SSC5D: variants seen among roughly 807,000 people sequenced by gnomAD.
SSC5D encodes soluble scavenger receptor cysteine-rich domain-containing protein SSC5D.
A neutral mutation model predicts 104.6 loss-of-function variants in SSC5D; 106 were observed. That is an observed-to-expected ratio of 1.01 (90% CI 0.87 to 1.19). The LOEUF is 1.19. Ranked by LOEUF, SSC5D falls within the 50% of genes most tolerant of loss-of-function variation. The probability of loss-of-function intolerance (pLI) is 0.00; values close to 1 mark genes in which losing one functional copy is unlikely to be tolerated. For synonymous variants in SSC5D, 860 were observed against 883.5 expected (o/e 0.97, Z 0.47); for missense variants, 1,993 against 2,153.8 (o/e 0.93, Z 1.48).
intron 13 of SSC5D, among the ~76,000 whole-genome samples, chr19:55,513,449 A>G (rs1252251193): frequency 6.6e-6 from 1 of 152,040 alleles, no homozygotes; most frequent in Non-Finnish European, 1.5e-5. Flanking sequence ...GTGTGGTGGT[A>G]CGCACGTGTG....
At chr19:55,497,515 A>G (rs967968941) in intron 8 of SSC5D, among the ~76,000 whole-genome samples, 1 of 152,182 alleles carries the variant, frequency 6.6e-6, no homozygotes, top group Non-Finnish European at 1.5e-5. Flanking sequence ...AACCACTACT[A>G]TTTGGCTACT....
At position 55,512,484 on chromosome 19, in the gene SSC5D, C is replaced by CTTT. The variant is rs67986371; in HGVS notation, c.2786-514_2786-512dup. ...CTTGAGGAATTAAAATAATAAATTC[C>CTTT]TTTTTTTTTTTTTTTGAGGCGGTGT... On this transcript the variant is annotated intron_variant, in intron 12 of 13. Coordinates refer to ENST00000389623, the MANE Select transcript of SSC5D (RefSeq NM_001144950.2). Among the ~76,000 whole-genome samples the CTTT allele has an allele frequency of 1.4e-5, 2 of 140,174 alleles. 1 individual carries two copies. Among genetic ancestry groups the CTTT allele is most frequent in the Non-Finnish European group, 3.1e-5 (2 of 64,560 alleles). 92.0% of individuals were successfully genotyped at this position (140,174 alleles called of 152,430 possible). A position where few individuals can be genotyped will look rare whatever the true frequency, so the allele number is the denominator to read the frequency against.
chr19:55,503,026 G>A lies in SSC5D; in HGVS notation c.2785+1825G>A, dbSNP rs1016060821. ...AGACGGGTTTCACCATGTTGGCCAG[G>A]CTGGTCTCAAATTCCTGACCTCGTG... On this transcript the variant is annotated intron_variant, in intron 12 of 13. Coordinates refer to ENST00000389623, the MANE Select transcript of SSC5D (RefSeq NM_001144950.2). This position sits in a 1 kb window ranked among gnomAD's most constrained non-coding sequence, Gnocchi z 4.0. Among the ~76,000 whole-genome samples the A allele has an allele frequency of 1.3e-5, 2 of 152,076 alleles. No individual in the cohort carries two copies. The highest frequency in any genetic ancestry group is 2.9e-5 in the Non-Finnish European group (2 of 68,034).
At position 55,517,628 on chromosome 19, in the gene SSC5D, G is replaced by A. The variant is rs1481346264; in HGVS notation, c.3352G>A (p.Val1118Ile). 2.6e-6 allele frequency: 4 copies of A among 1,551,424 alleles called. No individual in the cohort carries two copies. The Admixed American group carries it at 5.9e-5, about 23-fold the overall frequency. Residue 1118 changes from valine (V) to isoleucine (I), a missense_variant, in exon 14 of 14, where the codon GTC becomes ATC. By Grantham distance (29) the Val-to-Ile change is conservative (BLOSUM62 3). This residue lies in a region of SSC5D where 423 missense variants were observed against 409.2 expected (regional missense o/e 1.03). Transcript: ENST00000389623. ...VTSLSPTSEQ[V>I]PESDTTPDLD... is the part of the protein sequence containing the mutation. ...CAGCCTTTCCCCTACCTCAGAGCAG[G>A]TCCCAGAATCTGACACAACCCCAGA...
At position 55,503,004 on chromosome 19, in the gene SSC5D, C is replaced by A. The variant is rs11882138; in HGVS notation, c.2785+1803C>A. Among the ~76,000 whole-genome samples the A allele has an allele frequency of 0.56, 84,380 of 151,924 alleles. 23,878 individuals are homozygous for A. Among genetic ancestry groups the A allele is most frequent in the Middle Eastern group, 0.69 (203 of 294 alleles). On this transcript the variant is annotated intron_variant, in intron 12 of 13. Transcript: ENST00000389623. This position sits in a 1 kb window ranked among gnomAD's most constrained non-coding sequence, Gnocchi z 4.0. ...CTAATTTTTGTATTTTTAGTAGAGACGGGTTTCACCATGTTGGCCAGGCTG... is the reference window on the plus strand; with the variant it reads ...CTAATTTTTGTATTTTTAGTAGAGAAGGGTTTCACCATGTTGGCCAGGCTG...
At position 55,499,862 on chromosome 19, in the gene SSC5D, G is replaced by A; in HGVS notation, c.1752G>A (p.Trp584Ter). The A allele has an allele frequency of 6.4e-7, 1 of 1,551,576 alleles. No homozygotes were observed. Among genetic ancestry groups the A allele is most frequent in the Non-Finnish European group, 8.7e-7 (1 of 1,146,964 alleles). Reference sequence around the variant, plus strand: ...TCTCAGACCCCTTCAGCTGGAGCTGGATTCCTGGACTGGGGAGAGATCGGG... The same window carrying A: ...TCTCAGACCCCTTCAGCTGGAGCTGAATTCCTGGACTGGGGAGAGATCGGG... Reference protein sequence around the residue: ...DSISDPFSWSWIPGLGRDRDA... With the variant: ...DSISDPFSWS The change falls in exon 10 of 14, where the codon TGG (tryptophan) becomes TGA (stop). Residue 584 changes from tryptophan to a stop codon, truncating the protein, a stop_gained. Coordinates refer to ENST00000389623, the MANE Select transcript of SSC5D (RefSeq NM_001144950.2). LOFTEE classifies it high-confidence loss of function.
Position 55,500,247 on chromosome 19 carries a change from A to G in SSC5D, c.2137A>G (p.Met713Val). Residue 713 changes from methionine (M) to valine (V), a missense_variant, in exon 10 of 14, where the codon ATG becomes GTG. Transcript: ENST00000389623. This position sits in a 1 kb window ranked among gnomAD's most constrained non-coding sequence, Gnocchi z 4.6. ...CCCCCGAGAACGGACCACTAAGACC[A>G]TGGCAATGCTGACCACTCAAGGCCC... ...QAPRERTTKTMAMLTTQGPQE... is the reference protein window; with the variant it reads ...QAPRERTTKTVAMLTTQGPQE... 6.4e-7 allele frequency: 1 copy of G among 1,551,168 alleles called. No homozygotes were observed. Among genetic ancestry groups the G allele is most frequent in the Non-Finnish European group, 8.7e-7 (1 of 1,146,910 alleles).
chr19:55,510,089 C>A (rs761542731), intron 12 of SSC5D, among the ~76,000 whole-genome samples: 1 of 151,916 alleles, frequency 6.6e-6, no homozygotes, highest in Non-Finnish European at 1.5e-5. Flanking sequence ...CCTCCGCCTC[C>A]AAGGCTCAAG....
In SSC5D at chr19:55,503,543, C is replaced by G. The variant is rs1987564885; in HGVS notation, c.2785+2342C>G. Among the ~76,000 whole-genome samples the G allele has an allele frequency of 6.6e-6, 1 of 152,108 alleles. No individual in the cohort carries two copies. The highest frequency in any genetic ancestry group is 1.5e-5 in the Non-Finnish European group (1 of 68,020). On this transcript the variant is annotated intron_variant, in intron 12 of 13. Coordinates refer to ENST00000389623, the MANE Select transcript of SSC5D (RefSeq NM_001144950.2). The surrounding 1 kb of genome is among the most constrained non-coding windows in gnomAD (Gnocchi z 4.0). ...CTCCGTTTCTGTCTCCCGCGGGCTC[C>G]TCTGTCCGTTTCTCACCGTCCCCGC... is the stretch of plus-strand genomic sequence containing the variant.
chr19:55,491,432 G>A, intron 6 of SSC5D: 1 of 240,988 alleles, frequency 4.1e-6, no homozygotes, highest in Non-Finnish European at 8.1e-6. Flanking sequence ...AGCCCTGCCT[G>A]CCCTCTGCCA....
intron 6 of SSC5D, 29 bp from the exon 7 acceptor site, chr19:55,493,566 G>A (rs1305779937): frequency 2.8e-6 from 4 of 1,407,184 alleles, no homozygotes; most frequent in Middle Eastern, 5.2e-4. Context: ...CTCGTTTCCT[G>A]GCCCTGTGCT....
At position 55,518,439 on chromosome 19, in the gene SSC5D, C is replaced by T. The variant is rs775979249; in HGVS notation, c.4163C>T (p.Ala1388Val). Residue 1388 changes from alanine (A) to valine (V), a missense_variant, in exon 14 of 14, where the codon GCC (alanine) becomes GTC (valine). This residue lies in a region of SSC5D where 349 missense variants were observed against 397.6 expected (regional missense o/e 0.88). Coordinates refer to ENST00000389623, the MANE Select transcript of SSC5D (RefSeq NM_001144950.2). ...ATACCCACCTTAGAGCCCTCTCCAG[C>T]CTTGGAGTCCAGCCCCTCCAGGTCC... ...SQIPTLEPSPALESSPSRSST... is the reference protein window; with the variant it reads ...SQIPTLEPSPVLESSPSRSST... The T allele has an allele frequency of 6.4e-7, 1 of 1,551,234 alleles. No homozygotes were observed. The highest frequency in any genetic ancestry group is 1.4e-5 in the African/African-American group (1 of 72,950).
In SSC5D at chr19:55,494,511, A is replaced by G. The variant is rs1269178125; in HGVS notation, c.1214-99A>G. 1.0e-5 allele frequency: 13 copies of G among 1,291,262 alleles called. 1 individual carries two copies. The South Asian group carries it at 1.9e-4, about 19-fold the overall frequency. The allele number at this position is 1,291,262 out of a possible 1,614,324, so 80.0% of individuals were successfully genotyped here. On this transcript the variant is annotated intron_variant, in intron 7 of 13. Transcript: ENST00000389623. ...TCGGCAGGAAGAGATCTCTGCGTGC[A>G]GCTGAGAGGACTGAGGAAGGATGAC...
At chr19:55,502,819 C>T (rs1214054396) in intron 12 of SSC5D, among the ~76,000 whole-genome samples, 1 of 150,168 alleles carries the variant, frequency 6.7e-6, no homozygotes, top group Non-Finnish European at 1.5e-5. Flanking sequence ...CCATGCCTGG[C>T]TAATTTTTTT....
intron 7 of SSC5D, 82 bp downstream of exon 7, chr19:55,493,994 G>GGGGGCC: frequency 4.9e-5 from 7 of 143,314 alleles, no homozygotes; most frequent in South Asian, 2.4e-4. Flanking sequence ...GGGCGGGGGG[G>GGGGGCC]TCCCTACGCG....
At chr19:55,511,268 G>T (rs1004466124) in intron 12 of SSC5D, among the ~76,000 whole-genome samples, 1 of 152,220 alleles carries the variant, frequency 6.6e-6, no homozygotes, top group Non-Finnish European at 1.5e-5. Flanking sequence ...TTCTATCAGC[G>T]TGCAGTGTCT....
At chr19:55,491,109 C>G (rs1987133100) in intron 6 of SSC5D, 29 bp downstream of exon 6, 1 of 1,531,916 alleles carries the variant, frequency 6.5e-7, no homozygotes, top group East Asian at 2.5e-5. Context: ...TGGCCCCCTC[C>G]TGTCTTCCTC....
chr19:55,514,187 C>T (rs1404674357), intron 13 of SSC5D, among the ~76,000 whole-genome samples: 3 of 151,860 alleles, frequency 2.0e-5, no homozygotes, highest in Admixed American at 1.3e-4. Context: ...GGGCAGATCA[C>T]GAGGTCAGGA....
rs1241613526 is a variant in SSC5D at position 55,500,845 on chromosome 19, G to C, written c.2617+41G>C. On this transcript the variant is annotated intron_variant, in intron 11 of 13. Coordinates refer to ENST00000389623, the MANE Select transcript of SSC5D (RefSeq NM_001144950.2). The surrounding 1 kb of genome is among the most constrained non-coding windows in gnomAD (Gnocchi z 4.6). Reference sequence around the variant, plus strand: ...GGCGGTGGTGGGGTTGTCGGGGGTGGCCAGGAGAATGGAGTCAGGGTGGGG... The same window carrying C: ...GGCGGTGGTGGGGTTGTCGGGGGTGCCCAGGAGAATGGAGTCAGGGTGGGG... The C allele has an allele frequency of 2.0e-6, 3 of 1,528,218 alleles. No homozygotes were observed. The highest frequency in any genetic ancestry group is 1.8e-4 in the Middle Eastern group (1 of 5,434). 94.7% of individuals were successfully genotyped at this position (1,528,218 alleles called of 1,614,324 possible).
Sources: gnomAD v4.1 joint callset for allele counts (sites outside exome capture counted in the v4.1 genomes callset) on GRCh38, gnomAD v4.1.1 for gene constraint, gnomAD v4.1.1 regional missense constraint, Gnocchi (gnomAD v3.1) non-coding constraint, MANE v1.5 for transcripts, NCBI Gene and HGNC (gene_info 2026-07-23, HGNC 2026-07-21) for gene names.